The following CLIP2 variants were observed in gnomAD, a reference collection of about 807,000 sequenced individuals.
CLIP2 encodes CAP-Gly domain-containing linker protein 2.
In CLIP2, 41 loss-of-function variants were observed where a neutral mutation model predicts 111.7. The ratio of observed to expected loss-of-function variants is 0.37; its 90% CI spans 0.29 to 0.48. The LOEUF (loss-of-function observed/expected upper bound fraction) is 0.48, where lower values mean the gene tolerates loss of function less well. Among genes scored for constraint, CLIP2 ranks in the 20% least tolerant of loss-of-function variants. The probability of loss-of-function intolerance (pLI) is 0.99; values close to 1 mark genes in which losing one functional copy is unlikely to be tolerated. For synonymous variants in CLIP2, 660 were observed against 644.2 expected, an observed-to-expected ratio of 1.02 and a Z score of -0.37; for missense variants, 1,160 against 1,422.1, an observed-to-expected ratio of 0.82 and a Z score of 2.96.
chr7:74,299,031 G>GA (rs1318949875), intron 1 of CLIP2, among the ~76,000 whole-genome samples: 1 of 151,622 alleles, frequency 6.6e-6, no homozygotes, highest in Non-Finnish European at 1.5e-5. Flanking sequence ...AGCAACAAAA[G>GA]AAAAAACACT....
chr7:74,331,525 T>G (rs1789277390), intron 2 of CLIP2, among the ~76,000 whole-genome samples: 1 of 151,354 alleles, frequency 6.6e-6, no homozygotes, highest in Non-Finnish European at 1.5e-5. Context: ...TGTTTCTTTC[T>G]TTCTTTTCTT....
At chr7:74,364,473 T>G (rs1790420351) in intron 8 of CLIP2, among the ~76,000 whole-genome samples, 158 bp downstream of exon 8, 2 of 152,044 alleles carry the variant, frequency 1.3e-5, no homozygotes, top group South Asian at 4.1e-4. Context: ...GTCTGAGGTG[T>G]TAGTGGCTCA....
At chr7:74,401,415 C>A (rs903357996) in intron 15 of CLIP2, 90 bp from the exon 16 acceptor site, 1 of 1,267,694 alleles carries the variant, frequency 7.9e-7, no homozygotes, top group Non-Finnish European at 1.1e-6. Flanking sequence ...GAGCCTGAGA[C>A]GGTCCCATGG....
chr7:74,309,838 A>G (rs1276687988), intron 1 of CLIP2, among the ~76,000 whole-genome samples: 1 of 151,430 alleles, frequency 6.6e-6, no homozygotes, highest in East Asian at 1.9e-4. Flanking sequence ...AAAAAAAAAA[A>G]AAAGCATTCA....
intron 1 of CLIP2, among the ~76,000 whole-genome samples, chr7:74,294,691 C>A (rs561860056): frequency 6.6e-6 from 1 of 152,306 alleles, no homozygotes; most frequent in African/African-American, 2.4e-5. Flanking sequence ...TTTGGGGGTG[C>A]TCCAGCCCCT....
At position 74,372,936 on chromosome 7, in the gene CLIP2, A is replaced by T; in HGVS notation, c.1385A>T (p.Gln462Leu). ...TGTCCACCCTGGGTGGACCAGACCCAGACGCAGCTGGAGCACGCGCGCATT... is the reference window on the plus strand; with the variant it reads ...TGTCCACCCTGGGTGGACCAGACCCTGACGCAGCTGGAGCACGCGCGCATT... ...ESITKGDLET[Q>L]TQLEHARIGE... is the part of the protein sequence containing the mutation. Residue 462 changes from glutamine (Q) to leucine (L), a missense_variant, in exon 9 of 17, where the codon CAG becomes CTG. By Grantham distance (113) the Gln-to-Leu change is moderately radical (BLOSUM62 -2). This residue lies in a region of CLIP2 where 70 missense variants were observed against 114.9 expected (regional missense o/e 0.61). Transcript: ENST00000223398. 7.9e-7 allele frequency: 1 copy of T among 1,270,890 alleles called. No homozygotes were observed. 78.7% of individuals were successfully genotyped at this position (1,270,890 alleles called of 1,614,324 possible).
intron 8 of CLIP2, among the ~76,000 whole-genome samples, chr7:74,371,789 C>CT (rs1562715800): frequency 6.6e-6 from 1 of 151,682 alleles, no homozygotes. Context: ...AGAGAGAGAA[C>CT]TTTTTTTGTT....
At chr7:74,322,403 C>T (rs954906225) in intron 2 of CLIP2, among the ~76,000 whole-genome samples, 3 of 151,472 alleles carry the variant, frequency 2.0e-5, no homozygotes, top group Non-Finnish European at 2.9e-5. Context: ...GTCAGGAGTT[C>T]GAGACCAGCC....
chr7:74,336,092 G>C (rs1385057805), intron 2 of CLIP2, among the ~76,000 whole-genome samples: 1 of 151,126 alleles, frequency 6.6e-6, no homozygotes, highest in Non-Finnish European at 1.5e-5. Flanking sequence ...CTTTCAGATA[G>C]AGTCTTGCTC....
chr7:74,298,419 G>C (rs1788233629), intron 1 of CLIP2, among the ~76,000 whole-genome samples: 1 of 148,324 alleles, frequency 6.7e-6, no homozygotes, highest in South Asian at 2.1e-4. Context: ...GGTCAGGCTG[G>C]TCTTGAACTC....
chr7:74,352,086 CAGG>C (rs576342770), intron 3 of CLIP2, among the ~76,000 whole-genome samples: 2 of 152,044 alleles, frequency 1.3e-5, no homozygotes, highest in Non-Finnish European at 2.9e-5. Context: ...AGCATCTTGG[CAGG>C]AGATTTAGAC....
At chr7:74,327,854 G>C (rs945775706) in intron 2 of CLIP2, among the ~76,000 whole-genome samples, 1 of 152,218 alleles carries the variant, frequency 6.6e-6, no homozygotes, top group Non-Finnish European at 1.5e-5. Context: ...ATGGGGAGCT[G>C]GCTCTGTTCT....
chr7:74,394,902 A>C (rs886329637), intron 13 of CLIP2, among the ~76,000 whole-genome samples: 3 of 152,076 alleles, frequency 2.0e-5, no homozygotes, highest in Non-Finnish European at 4.4e-5. Flanking sequence ...GCCTGGTCTC[A>C]CCTTCTCCGA....
intron 3 of CLIP2, among the ~76,000 whole-genome samples, chr7:74,349,470 GTATATA>G (rs1158400867): frequency 0.023 from 771 of 33,782 alleles, 16 homozygotes; most frequent in South Asian, 0.06. Flanking sequence ...GTGTGTGTGT[GTATATA>G]TATATATATA....
At chr7:74,360,306 C>T in intron 7 of CLIP2, 28 bp downstream of exon 7, 2 of 1,514,802 alleles carry the variant, frequency 1.3e-6, no homozygotes, top group Non-Finnish European at 1.8e-6. Flanking sequence ...CTCGCCCTGG[C>T]CCTGAGTCCC....
At position 74,376,002 on chromosome 7, in the gene CLIP2, C is replaced by G; in HGVS notation, c.1601C>G (p.Pro534Arg). The change falls in exon 10 of 17, where the codon CCG (proline) becomes CGG (arginine). Residue 534 changes from proline to arginine, a missense_variant. Physicochemically the swap from Pro to Arg is moderately radical, Grantham distance 103. Around this residue, in one of 5 missense-constraint regions of CLIP2, gnomAD observed 676 missense variants for 777.8 expected, o/e 0.87. Coordinates refer to ENST00000223398, the MANE Select transcript of CLIP2 (RefSeq NM_003388.5). This position sits in a 1 kb window ranked among gnomAD's most constrained non-coding sequence, Gnocchi z 7.1. ...CTGTTGCACTCGGGTCCCCCACCTC[C>G]GGACCACCCAGACGCCGCCGAGATC... is the stretch of plus-strand genomic sequence containing the variant. Reference protein sequence around the residue: ...QCLLHSGPPPPDHPDAAEILR... With the variant: ...QCLLHSGPPPRDHPDAAEILR... The G allele has an allele frequency of 6.2e-7, 1 of 1,612,156 alleles. No individual in the cohort carries two copies. Among genetic ancestry groups the G allele is most frequent in the African/African-American group, 1.3e-5 (1 of 75,030 alleles).
chr7:74,329,478 A>T (rs1174499606), intron 2 of CLIP2, among the ~76,000 whole-genome samples: 1 of 152,168 alleles, frequency 6.6e-6, no homozygotes, highest in African/African-American at 2.4e-5. Flanking sequence ...GGCTCTGAAA[A>T]GTCCTGCAGA....
chr7:74,356,307 T>G, intron 4 of CLIP2, 103 bp from the exon 5 acceptor site: 1 of 951,646 alleles, frequency 1.1e-6, no homozygotes, highest in Non-Finnish European at 1.7e-6. Context: ...CAAGGAGGTG[T>G]CTTTCTCTCT....
chr7:74,359,955 G>A (rs1165254382), intron 6 of CLIP2, among the ~76,000 whole-genome samples: 1 of 152,178 alleles, frequency 6.6e-6, no homozygotes, highest in Non-Finnish European at 1.5e-5. Context: ...AGGTACTGAG[G>A]GCAGGTGGGC....
Sources: gnomAD v4.1 joint callset for allele counts (sites outside exome capture counted in the v4.1 genomes callset) on GRCh38, gnomAD v4.1.1 for gene constraint, gnomAD v4.1.1 regional missense constraint, Gnocchi (gnomAD v3.1) non-coding constraint, MANE v1.5 for transcripts, NCBI Gene and HGNC (gene_info 2026-07-23, HGNC 2026-07-21) for gene names.